NALF1: variants seen among roughly 807,000 people sequenced by gnomAD.
NALF1 encodes NALCN channel auxiliary factor 1.
In NALF1, 3 loss-of-function variants were observed where a neutral mutation model predicts 48.4. The ratio of observed to expected loss-of-function variants is 0.06; its 90% CI spans 0.03 to 0.16. The LOEUF is 0.16. Among genes scored for constraint, NALF1 ranks in the 10% least tolerant of loss-of-function variants. The pLI is 1.00. For synonymous variants in NALF1, 262 were observed against 245.7 expected (o/e 1.07, Z -0.62); for missense variants, 526 against 571.5 (o/e 0.92, Z 0.81).
chr13:107,421,068 G>A (rs76538384), intron 1 of NALF1, among the ~76,000 whole-genome samples: 1 of 152,216 alleles, frequency 6.6e-6, no homozygotes, highest in African/African-American at 2.4e-5. Flanking sequence ...TATGCTACAG[G>A]CACTTCAAAT....
chr13:107,271,349 G>T (rs553905608), intron 1 of NALF1, among the ~76,000 whole-genome samples: 10 of 152,162 alleles, frequency 6.6e-5, no homozygotes, highest in Non-Finnish European at 1.5e-4. Flanking sequence ...TGATGTGTAA[G>T]AAGTTCTGGC....
chr13:107,715,092 C>T (rs896129291), intron 1 of NALF1, among the ~76,000 whole-genome samples: 2 of 152,082 alleles, frequency 1.3e-5, no homozygotes, highest in Admixed American at 6.6e-5. Context: ...GTAGTAATCA[C>T]ATCAGGATAA....
intron 1 of NALF1, among the ~76,000 whole-genome samples, chr13:107,673,063 A>G (rs1881028404): frequency 6.6e-6 from 1 of 152,160 alleles, no homozygotes; most frequent in African/African-American, 2.4e-5. Context: ...AAAGGTACCT[A>G]TAGCAACTAC....
intron 1 of NALF1, among the ~76,000 whole-genome samples, chr13:107,294,989 T>A (rs1881697671): frequency 6.6e-6 from 1 of 151,908 alleles, no homozygotes; most frequent in Admixed American, 6.6e-5. Flanking sequence ...GAATTTCTTT[T>A]TTTTTCTTTT....
chr13:107,279,154 T>C (rs1881339698), intron 1 of NALF1, among the ~76,000 whole-genome samples: 1 of 152,044 alleles, frequency 6.6e-6, no homozygotes, highest in South Asian at 2.1e-4. Flanking sequence ...AGCTCTAATT[T>C]TCTTCTCCTT....
chr13:107,392,963 A>G (rs1249541125), intron 1 of NALF1, among the ~76,000 whole-genome samples: 1 of 152,094 alleles, frequency 6.6e-6, no homozygotes, highest in Non-Finnish European at 1.5e-5. Flanking sequence ...GACATGGAGG[A>G]GTCAATGGTC....
At chr13:107,847,058 G>A (rs1205908586) in intron 1 of NALF1, among the ~76,000 whole-genome samples, 2 of 151,708 alleles carry the variant, frequency 1.3e-5, no homozygotes, top group Non-Finnish European at 2.9e-5. Flanking sequence ...AAAATTAAAG[G>A]CAAACTTTAG....
intron 1 of NALF1, among the ~76,000 whole-genome samples, chr13:107,435,572 T>C (rs1012515948): frequency 1.3e-5 from 2 of 152,134 alleles, no homozygotes; most frequent in African/African-American, 4.8e-5. Flanking sequence ...TTCAATGCAG[T>C]TATTAACCCA....
At chr13:107,748,204 A>G (rs2138550069) in intron 1 of NALF1, among the ~76,000 whole-genome samples, 1 of 152,306 alleles carries the variant, frequency 6.6e-6, no homozygotes, top group Non-Finnish European at 1.5e-5. Flanking sequence ...ACTCTTACCA[A>G]GTAATAATAG....
intron 1 of NALF1, among the ~76,000 whole-genome samples, chr13:107,596,239 C>T (rs1878742913): frequency 6.6e-6 from 1 of 152,132 alleles, no homozygotes; most frequent in African/African-American, 2.4e-5. Flanking sequence ...TTTTCTAGTT[C>T]AGCCATTGTG....
intron 1 of NALF1, among the ~76,000 whole-genome samples, chr13:107,641,232 T>A (rs1419897870): frequency 6.6e-6 from 1 of 151,910 alleles, no homozygotes; most frequent in African/African-American, 2.4e-5. Context: ...GAGGATAGAG[T>A]GGTGGCTCCC....
At chr13:107,843,628 C>T (rs1248401069) in intron 1 of NALF1, among the ~76,000 whole-genome samples, 2 of 152,100 alleles carry the variant, frequency 1.3e-5, no homozygotes, top group Non-Finnish European at 2.9e-5. Context: ...GGAGATGAAC[C>T]TAATCACTCC....
At chr13:107,516,637 G>A (rs1426377214) in intron 1 of NALF1, among the ~76,000 whole-genome samples, 1 of 152,032 alleles carries the variant, frequency 6.6e-6, no homozygotes, top group Non-Finnish European at 1.5e-5. Flanking sequence ...CCATAGTGGT[G>A]ACTACTCTTT....
At chr13:107,419,742 T>A (rs1316685535) in intron 1 of NALF1, among the ~76,000 whole-genome samples, 2 of 152,224 alleles carry the variant, frequency 1.3e-5, no homozygotes, top group East Asian at 1.9e-4. Flanking sequence ...GGGAAAATTA[T>A]AAAATATTGT....
chr13:107,759,216 G>T (rs2138559721), intron 1 of NALF1, among the ~76,000 whole-genome samples: 1 of 152,006 alleles, frequency 6.6e-6, no homozygotes, highest in African/African-American at 2.4e-5. Context: ...TTTTGTTTTT[G>T]TTTTTGTTTT....
chr13:107,246,495 C>T (rs867026156), intron 1 of NALF1, among the ~76,000 whole-genome samples: 3 of 152,196 alleles, frequency 2.0e-5, no homozygotes, highest in Middle Eastern at 3.4e-3. Flanking sequence ...CTAAGAAGAT[C>T]GATTTTTAAA....
chr13:107,747,112 T>C, intron 1 of NALF1, among the ~76,000 whole-genome samples: 1 of 152,144 alleles, frequency 6.6e-6, no homozygotes, highest in African/African-American at 2.4e-5. Flanking sequence ...TGCATGTACG[T>C]TATTGAACAC....
rs75396264 is a variant in NALF1 at position 107,831,742 on chromosome 13, C to A, written c.915+33940G>T. On this transcript the variant is annotated intron_variant, in intron 1 of 2. Coordinates refer to ENST00000375915, the MANE Select transcript of NALF1 (RefSeq NM_001080396.3). Reference sequence around the variant, plus strand: ...AGAGTATTTTGTAACAAGATGTTTGCGCGTATTTGCAGCCCCTGGGATTTT... The same window carrying A: ...AGAGTATTTTGTAACAAGATGTTTGAGCGTATTTGCAGCCCCTGGGATTTT... Among the ~76,000 whole-genome samples the A allele has an allele frequency of 6.6e-3, 1,004 of 152,194 alleles. 10 individuals are homozygous for A. The highest frequency in any genetic ancestry group is 1.0e-2 in the Non-Finnish European group (679 of 67,990).
intron 1 of NALF1, among the ~76,000 whole-genome samples, chr13:107,545,318 G>A (rs867296076): frequency 6.6e-5 from 10 of 152,188 alleles, no homozygotes; most frequent in African/African-American, 2.4e-4. Flanking sequence ...AGCTGAGAGT[G>A]GGGCAGGAAA....
Sources: allele counts gnomAD v4.1 joint callset (sites outside exome capture counted in the v4.1 genomes callset), GRCh38; gene constraint gnomAD v4.1.1; transcripts MANE v1.5; gene names NCBI Gene and HGNC (gene_info 2026-07-23, HGNC 2026-07-21).